ARHGAP18: variants seen among roughly 807,000 people sequenced by gnomAD.
The protein encoded by ARHGAP18 is rho GTPase-activating protein 18.
ARHGAP18 carries 67 observed loss-of-function variants against 86.2 expected under a neutral mutation model. The ratio of observed to expected loss-of-function variants is 0.78; its 90% CI spans 0.64 to 0.95. The LOEUF is 0.95. ARHGAP18 is among the 40% of genes least tolerant of loss of function. The pLI is 0.00. For synonymous variants in ARHGAP18, 283 were observed against 280.4 expected (o/e 1.01, Z -0.09); for missense variants, 691 against 780.4 (o/e 0.89, Z 1.37).
intron 1 of ARHGAP18, among the ~76,000 whole-genome samples, chr6:129,642,667 T>C (rs1417036679): frequency 2.0e-5 from 3 of 152,216 alleles, no homozygotes; most frequent in African/African-American, 7.2e-5. Context: ...AGACTATTAA[T>C]TGGGAATGAA....
rs10688716 is a variant in ARHGAP18 at position 129,676,915 on chromosome 6, C to CTTTTT, written c.113+33104_113+33108dup. ...AAACAGATGAAAAATTTTTTGTCCT[C>CTTTTT]TTTTTTTTTTTTTTTTTTTTTTTTT... is the stretch of plus-strand genomic sequence containing the variant. On this transcript the variant is annotated intron_variant, in intron 1 of 14. Transcript: ENST00000368149. 7.1e-4 allele frequency among the ~76,000 whole-genome samples: 27 copies of CTTTTT among 37,988 alleles called. 1 individual carries two copies. The East Asian group carries it at 9.8e-3, about 14-fold the overall frequency. 24.9% of individuals were successfully genotyped at this position (37,988 alleles called of 152,430 possible).
Position 129,686,520 on chromosome 6 carries a change from G to A in ARHGAP18, c.113+23504C>T, listed in dbSNP as rs1021617796. Reference sequence around the variant, plus strand: ...GCAGGTAAGCTGGCAAAGACCAGACGCTTACCCAGAGCTGCCTTGGCTCCT... The same window carrying A: ...GCAGGTAAGCTGGCAAAGACCAGACACTTACCCAGAGCTGCCTTGGCTCCT... On this transcript the variant is annotated intron_variant, in intron 1 of 14. Transcript: ENST00000368149. Among the ~76,000 whole-genome samples, 3 of 152,162 alleles carry A rather than the reference G, an allele frequency of 2.0e-5. No individual in the cohort carries two copies. In the South Asian group the frequency reaches 6.2e-4, roughly 31 times the overall value.
intron 1 of ARHGAP18, among the ~76,000 whole-genome samples, chr6:129,661,159 C>T (rs1046073223): frequency 2.0e-5 from 3 of 150,452 alleles, no homozygotes; most frequent in African/African-American, 4.9e-5. Flanking sequence ...AAATTTGATA[C>T]GAGTGGAAGC....
At chr6:129,680,647 G>A (rs1774308219) in intron 1 of ARHGAP18, among the ~76,000 whole-genome samples, 1 of 152,206 alleles carries the variant, frequency 6.6e-6, no homozygotes, top group African/African-American at 2.4e-5. Context: ...TAGGATCAGA[G>A]GTAAATCTGG....
chr6:129,671,837 C>A (rs747840810), intron 1 of ARHGAP18, among the ~76,000 whole-genome samples: 1 of 152,118 alleles, frequency 6.6e-6, no homozygotes, highest in Admixed American at 6.5e-5. Context: ...CAAGTCTGTC[C>A]TGAAATTGTA....
Position 129,576,885 on chromosome 6 carries a change from A to T in ARHGAP18, c.*1628T>A, listed in dbSNP as rs1043492894. The T allele has an allele frequency of 5.3e-5, 8 of 152,298 alleles. No individual in the cohort carries two copies. In the East Asian group the frequency reaches 1.3e-3, roughly 26 times the overall value. 9.4% of individuals were successfully genotyped at this position (152,298 alleles called of 1,614,324 possible). On this transcript the variant is annotated 3_prime_UTR_variant, in exon 15 of 15. Coordinates refer to ENST00000368149, the MANE Select transcript of ARHGAP18 (RefSeq NM_033515.3). ...AAACAGACTAAACTGTATTTTGAAAATCCTGAAGAATAAAAATTTGTAAAA... is the reference window on the plus strand; with the variant it reads ...AAACAGACTAAACTGTATTTTGAAATTCCTGAAGAATAAAAATTTGTAAAA...
intron 1 of ARHGAP18, among the ~76,000 whole-genome samples, chr6:129,656,080 G>A (rs1186448788): frequency 6.6e-6 from 1 of 152,208 alleles, no homozygotes; most frequent in Non-Finnish European, 1.5e-5. Context: ...CACTAAAGCT[G>A]TGATTCACAC....
rs184324329 is a variant in ARHGAP18 at position 129,683,161 on chromosome 6, T to A, written c.113+26863A>T. Among the ~76,000 whole-genome samples, 781 of 150,368 alleles carry A rather than the reference T, an allele frequency of 5.2e-3. 8 individuals are homozygous for A. The highest frequency in any genetic ancestry group is 8.3e-3 in the Non-Finnish European group (560 of 67,636). On this transcript the variant is annotated intron_variant, in intron 1 of 14. Coordinates refer to ENST00000368149, the MANE Select transcript of ARHGAP18 (RefSeq NM_033515.3). Reference sequence around the variant, plus strand: ...ATCTCGGCTCACTGCAAGCTCCACCTCCCAGGTTCACACCATTCTCCTGCC... The same window carrying A: ...ATCTCGGCTCACTGCAAGCTCCACCACCCAGGTTCACACCATTCTCCTGCC...
At chr6:129,675,075 A>C (rs951211781) in intron 1 of ARHGAP18, among the ~76,000 whole-genome samples, 1 of 152,194 alleles carries the variant, frequency 6.6e-6, no homozygotes. Flanking sequence ...AAACATCTGC[A>C]CAGGTATTTT....
chr6:129,703,802 G>A (rs1471009138), intron 1 of ARHGAP18, among the ~76,000 whole-genome samples: 1 of 152,214 alleles, frequency 6.6e-6, no homozygotes, highest in African/African-American at 2.4e-5. Context: ...AGAAGAGATT[G>A]ATCTGGAAAA....
intron 1 of ARHGAP18, among the ~76,000 whole-genome samples, chr6:129,648,265 G>A (rs138912793): frequency 0.014 from 2,102 of 151,672 alleles, 43 homozygotes; most frequent in African/African-American, 0.048. Context: ...CAAGCTCCTG[G>A]GCTCAAGCGA....
chr6:129,686,978 C>CTTTT (rs71028176), intron 1 of ARHGAP18, among the ~76,000 whole-genome samples: 982 of 106,308 alleles, frequency 9.2e-3, no homozygotes, highest in Non-Finnish European at 0.014. Context: ...TTTTTTTTTT[C>CTTTT]TTTTTTTTTT....
chr6:129,625,943 T>TAG (rs1435993564), intron 5 of ARHGAP18, among the ~76,000 whole-genome samples: 52 of 62,828 alleles, frequency 8.3e-4, no homozygotes, highest in African/African-American at 2.3e-3. Flanking sequence ...TTATATATTA[T>TAG]ATATTTATAT....
chr6:129,608,067 A>AAAAG lies in ARHGAP18; in HGVS notation c.1123-16_1123-15insCTTT. 1 of 654,418 alleles carries AAAAG rather than the reference A, an allele frequency of 1.5e-6. No individual in the cohort carries two copies. Among genetic ancestry groups the AAAAG allele is most frequent in the Non-Finnish European group, 2.0e-6 (1 of 494,044 alleles). 40.5% of individuals were successfully genotyped at this position (654,418 alleles called of 1,614,324 possible). A position where few individuals can be genotyped will look rare whatever the true frequency, so the allele number is the denominator to read the frequency against. ...TGGCAAAGATTCTGATAGGCACGAA[A>AAAAG]AAAAAAAAAAAAAAAAAAAGAAGCA... On this transcript the variant is annotated splice_polypyrimidine_tract_variant and intron_variant, in intron 8 of 14. Coordinates refer to ENST00000368149, the MANE Select transcript of ARHGAP18 (RefSeq NM_033515.3).
intron 6 of ARHGAP18, among the ~76,000 whole-genome samples, chr6:129,616,790 T>C (rs1327964428): frequency 6.6e-6 from 1 of 151,862 alleles, no homozygotes; most frequent in Non-Finnish European, 1.5e-5. Flanking sequence ...TTTATCTTTA[T>C]GAAAAATAAA....
At chr6:129,618,593 G>T in intron 6 of ARHGAP18, 94 bp downstream of exon 6, 3 of 1,188,078 alleles carry the variant, frequency 2.5e-6, no homozygotes, top group South Asian at 1.6e-5. Context: ...TATTTTGCAG[G>T]TGTTTTCCCT....
chr6:129,663,852 C>G (rs1004678069), intron 1 of ARHGAP18, among the ~76,000 whole-genome samples: 4 of 152,264 alleles, frequency 2.6e-5, no homozygotes, highest in African/African-American at 4.8e-5. Context: ...GCTGTTCATA[C>G]TAAGATTTTA....
At chr6:129,699,131 C>T (rs541302629) in intron 1 of ARHGAP18, among the ~76,000 whole-genome samples, 70 of 152,322 alleles carry the variant, frequency 4.6e-4, no homozygotes, top group African/African-American at 1.7e-3. Context: ...AGCCACCACA[C>T]CCAGCCGAAG....
At chr6:129,627,673 AAG>A (rs558306346) in intron 5 of ARHGAP18, among the ~76,000 whole-genome samples, 2 of 151,950 alleles carry the variant, frequency 1.3e-5, no homozygotes, top group Admixed American at 6.6e-5. Context: ...GAAGGAAGGA[AAG>A]AGAGAGAGGG....
Sources: gnomAD v4.1 joint callset for allele counts (sites outside exome capture counted in the v4.1 genomes callset) on GRCh38, gnomAD v4.1.1 for gene constraint, MANE v1.5 for transcripts, NCBI Gene and HGNC (gene_info 2026-07-23, HGNC 2026-07-21) for gene names.